Variants in AMN1 observed in about 807,000 individuals in gnomAD.
AMN1 encodes the protein protein AMN1 homolog.
Under a neutral mutation model 33.0 loss-of-function variants are expected in AMN1, and 20 were observed. The ratio of observed to expected loss-of-function variants is 0.61; its 90% CI spans 0.43 to 0.88. The LOEUF (loss-of-function observed/expected upper bound fraction) is 0.88, where lower values mean the gene tolerates loss of function less well. AMN1 is among the 40% of genes least tolerant of loss of function. The pLI, the probability that AMN1 is intolerant of heterozygous loss-of-function variation, is 0.00. For synonymous variants in AMN1, 114 were observed against 111.9 expected (o/e 1.02, Z -0.12); for missense variants, 246 against 307.4 (o/e 0.80, Z 1.49).
Position 31,697,908 on chromosome 12 carries a change from C to T in AMN1, c.366G>A (p.Leu122=). 1.2e-6 allele frequency: 2 copies of T among 1,613,982 alleles called. No homozygotes were observed. The highest frequency in any genetic ancestry group is 1.7e-6 in the Non-Finnish European group (2 of 1,179,886). ...SSCSYLHEAS[L]KRCCNLTDEG... ...CGTCAGTGAGATTGCAGCATCTTTT[C>T]AAAGAAGCTTCGTGTAGGTATGAAC... The change falls in exon 4 of 7, where the codon TTG becomes TTA. Residue 122 remains leucine (L), a synonymous_variant. Transcript: ENST00000281471.
At position 31,684,760 on chromosome 12, in the gene AMN1, C is replaced by T. The variant is rs893073472; in HGVS notation, c.703+4247G>A. 1.1e-4 allele frequency among the ~76,000 whole-genome samples: 17 copies of T among 152,028 alleles called. 1 individual carries two copies. Among genetic ancestry groups the T allele is most frequent in the Admixed American group, 2.6e-4 (4 of 15,272 alleles). ...TGCTGGGATTACCGGCGTGAGCCACCGCGCCCGGCCTGGGATCCTCAATAA... is the reference window on the plus strand; with the variant it reads ...TGCTGGGATTACCGGCGTGAGCCACTGCGCCCGGCCTGGGATCCTCAATAA... On this transcript the variant is annotated intron_variant, in intron 6 of 6. Coordinates refer to ENST00000281471, the MANE Select transcript of AMN1 (RefSeq NM_001113402.2).
At chr12:31,705,036 C>A (rs773124021) in intron 2 of AMN1, among the ~76,000 whole-genome samples, 3 of 152,188 alleles carry the variant, frequency 2.0e-5, no homozygotes, top group Non-Finnish European at 4.4e-5. Context: ...TATTATTCTA[C>A]TTCCACAGAG....
chr12:31,722,538 C>T (rs1028073594), intron 1 of AMN1, among the ~76,000 whole-genome samples: 3 of 152,098 alleles, frequency 2.0e-5, no homozygotes, highest in Admixed American at 6.6e-5. Context: ...AAAAAAGGCA[C>T]CCTGAAAGGG....
intron 6 of AMN1, chr12:31,672,595 T>TAAA: frequency 3.5e-5 from 11 of 312,514 alleles, no homozygotes; most frequent in South Asian, 1.3e-4. Flanking sequence ...ATTACTTGTT[T>TAAA]AAAAAAAAAA....
rs1951362067 is a variant in AMN1 at position 31,675,217 on chromosome 12, A to C, written c.704-2840T>G. On this transcript the variant is annotated intron_variant, in intron 6 of 6. Coordinates refer to ENST00000281471, the MANE Select transcript of AMN1 (RefSeq NM_001113402.2). ...AGGATCACTTGAGCCCAGGAGTTCA[A>C]GACCAGCCTGGGAAATATAGTGAGA... 2.0e-5 allele frequency among the ~76,000 whole-genome samples: 3 copies of C among 151,782 alleles called. No homozygotes were observed. The South Asian group carries it at 6.2e-4, about 31-fold the overall frequency.
At chr12:31,717,601 TTCTAA>T (rs1939727262) in intron 1 of AMN1, among the ~76,000 whole-genome samples, 1 of 152,252 alleles carries the variant, frequency 6.6e-6, no homozygotes, top group African/African-American at 2.4e-5. Flanking sequence ...CTGTGGTGCC[TTCTAA>T]TCTGTCTACA....
At chr12:31,691,483 G>A (rs1938497661) in intron 5 of AMN1, among the ~76,000 whole-genome samples, 1 of 151,772 alleles carries the variant, frequency 6.6e-6, no homozygotes, top group South Asian at 2.1e-4. Context: ...TTGTGGTGGT[G>A]GTTATATGGC....
At chr12:31,697,627 G>A (rs1938788421) in intron 4 of AMN1, 113 bp downstream of exon 4, 8 of 1,208,568 alleles carry the variant, frequency 6.6e-6, no homozygotes, top group Non-Finnish European at 8.3e-6. Flanking sequence ...GCATGAAGTG[G>A]TCAATAGTTT....
chr12:31,695,322 T>A (rs1259909733), intron 5 of AMN1, among the ~76,000 whole-genome samples: 3 of 152,110 alleles, frequency 2.0e-5, no homozygotes, highest in African/African-American at 7.3e-5. Context: ...AAGCATTACA[T>A]AACCTAGTGA....
intron 6 of AMN1, among the ~76,000 whole-genome samples, chr12:31,677,784 A>G (rs1236056310): frequency 6.6e-6 from 1 of 152,156 alleles, no homozygotes. Flanking sequence ...CTCTTCCCCA[A>G]GGTGGGTCAC....
chr12:31,698,249 T>C (rs1443164159), intron 3 of AMN1, among the ~76,000 whole-genome samples: 1 of 152,212 alleles, frequency 6.6e-6, no homozygotes, highest in Non-Finnish European at 1.5e-5. Flanking sequence ...CAGAACCCAA[T>C]TAGATAGTGA....
In AMN1 at chr12:31,672,350, A is replaced by C; in HGVS notation, c.731T>G (p.Leu244Ter). 1 of 1,577,960 alleles carries C rather than the reference A, an allele frequency of 6.3e-7. No individual in the cohort carries two copies. Among genetic ancestry groups the C allele is most frequent in the Non-Finnish European group, 8.6e-7 (1 of 1,159,800 alleles). ...TDHSREVLEQ[L>*]VGPNKLKQVT... ...TTGCTTTAGTTTGTTTGGGCCTACT[A>C]ATTGCTCCAACACTTCTCGGGAATG... The change falls in exon 7 of 7, where the codon TTA (leucine) becomes TGA (stop). Residue 244 changes from leucine (L) to a stop codon, truncating the protein, a stop_gained. Transcript: ENST00000281471. LOFTEE classifies it high-confidence loss of function.
At chr12:31,677,059 G>A (rs1373111261) in intron 6 of AMN1, among the ~76,000 whole-genome samples, 4 of 151,050 alleles carry the variant, frequency 2.6e-5, no homozygotes, top group African/African-American at 7.4e-5. Context: ...AGCACTTTGG[G>A]AGGACGAGAC....
At chr12:31,727,547 G>A (rs1248450065) in intron 1 of AMN1, among the ~76,000 whole-genome samples, 1 of 151,992 alleles carries the variant, frequency 6.6e-6, no homozygotes, top group Non-Finnish European at 1.5e-5. Flanking sequence ...TTTCCTGCCT[G>A]TCAAACCTTT....
At chr12:31,697,242 CA>C (rs1938768537) in intron 5 of AMN1, 118 bp downstream of exon 5, 1 of 746,196 alleles carries the variant, frequency 1.3e-6, no homozygotes, top group East Asian at 2.8e-5. Context: ...GAACACCCAC[CA>C]ACAAAGTCCC....
At chr12:31,695,487 C>CTTTCTTT (rs59342673) in intron 5 of AMN1, among the ~76,000 whole-genome samples, 160 of 130,668 alleles carry the variant, frequency 1.2e-3, no homozygotes, top group Admixed American at 1.8e-3. Context: ...TTCTTTCTTT[C>CTTTCTTT]TTTTTTTTTT....
chr12:31,678,638 G>A (rs574656541), intron 6 of AMN1, among the ~76,000 whole-genome samples: 32 of 152,062 alleles, frequency 2.1e-4, no homozygotes, highest in African/African-American at 7.2e-4. Flanking sequence ...CTTATGATCC[G>A]CCCACCTTGG....
In AMN1 at chr12:31,676,430, C is replaced by T. The variant is rs1168593172; in HGVS notation, c.704-4053G>A. ...TTTGAGACTAGCCTGGGCAACATGG[C>T]GAAACCCCGTCTCTACTAAAAATGC... On this transcript the variant is annotated intron_variant, in intron 6 of 6. Coordinates refer to ENST00000281471, the MANE Select transcript of AMN1 (RefSeq NM_001113402.2). 1.3e-4 allele frequency among the ~76,000 whole-genome samples: 20 copies of T among 151,310 alleles called. 1 individual carries two copies. The highest frequency in any genetic ancestry group is 4.4e-4 in the African/African-American group (18 of 40,930).
rs560582332 is a variant in AMN1 at position 31,710,908 on chromosome 12, G to A, written c.39-1483C>T. Among the ~76,000 whole-genome samples, 10 of 152,054 alleles carry A rather than the reference G, an allele frequency of 6.6e-5. No individual in the cohort carries two copies. The East Asian group carries it at 1.9e-3, about 29-fold the overall frequency. ...ACATCCTTCCAGCAATAGATATCAT[G>A]GCTAGTTTATTTATTTTTTGAGACA... On this transcript the variant is annotated intron_variant, in intron 1 of 6. Coordinates refer to ENST00000281471, the MANE Select transcript of AMN1 (RefSeq NM_001113402.2).
Sources: gnomAD v4.1 joint callset for allele counts (sites outside exome capture counted in the v4.1 genomes callset) on GRCh38, gnomAD v4.1.1 for gene constraint, MANE v1.5 for transcripts, NCBI Gene and HGNC (gene_info 2026-07-23, HGNC 2026-07-21) for gene names.